Variants in IMMP2L observed in about 807,000 individuals in gnomAD.
IMMP2L encodes the protein mitochondrial inner membrane protease subunit 2.
Under a neutral mutation model 19.3 loss-of-function variants are expected in IMMP2L, and 18 were observed. The observed-to-expected ratio is 0.93, with a 90% CI of 0.64 to 1.38. The LOEUF is 1.38. IMMP2L is among the 40% of genes most tolerant of loss of function. The pLI, the probability that IMMP2L is intolerant of heterozygous loss-of-function variation, is 0.00. For synonymous variants in IMMP2L, 76 were observed against 73.0 expected (o/e 1.04, Z -0.21); for missense variants, 233 against 218.2 (o/e 1.07, Z -0.43).
intron 2 of IMMP2L, among the ~76,000 whole-genome samples, chr7:111,502,705 T>G (rs1283554990): frequency 1.3e-5 from 2 of 151,192 alleles, no homozygotes; most frequent in African/African-American, 4.9e-5. Flanking sequence ...CTGAACAACC[T>G]GCTCCTGAAT....
rs568334017 is a variant in IMMP2L at position 111,213,308 on chromosome 7, C to A, written c.240-249743G>T. The stretch of plus-strand genomic sequence containing the variant: ...CCCTGCTGCCTCAGCCCCCTCCAGG[C>A]TTTGGGTGCCAATGAGCATGGGAGG... On this transcript the variant is annotated intron_variant, in intron 3 of 5. Coordinates refer to ENST00000405709, the MANE Select transcript of IMMP2L (RefSeq NM_032549.4). The surrounding 1 kb of genome is among the most constrained non-coding windows in gnomAD (Gnocchi z 4.8). Among the ~76,000 whole-genome samples, 8 of 152,330 alleles carry A rather than the reference C, an allele frequency of 5.3e-5. No homozygotes were observed. The highest frequency in any genetic ancestry group is 5.2e-4 in the Admixed American group (8 of 15,308).
intron 5 of IMMP2L, among the ~76,000 whole-genome samples, chr7:110,779,788 A>G (rs1294543184): frequency 2.0e-5 from 3 of 151,864 alleles, no homozygotes; most frequent in Non-Finnish European, 4.4e-5. Flanking sequence ...TCCTGGCAGG[A>G]TCTTACTCAG....
chr7:111,225,737 G>A (rs1455133132), intron 3 of IMMP2L, among the ~76,000 whole-genome samples: 2 of 150,142 alleles, frequency 1.3e-5, no homozygotes, highest in East Asian at 3.9e-4. Flanking sequence ...GAGTGATGGA[G>A]TGCAAAGTAA....
intron 5 of IMMP2L, among the ~76,000 whole-genome samples, chr7:110,810,653 G>A (rs923190448): frequency 3.9e-5 from 6 of 151,968 alleles, no homozygotes; most frequent in African/African-American, 2.4e-5. Flanking sequence ...TCCGATAATG[G>A]AACACTAGGC....
intron 3 of IMMP2L, among the ~76,000 whole-genome samples, chr7:111,078,417 C>A (rs1319726975): frequency 6.6e-6 from 1 of 152,142 alleles, no homozygotes; most frequent in Admixed American, 6.5e-5. Context: ...ATTATTGCTA[C>A]TGCATTATCT....
At chr7:110,923,955 A>C (rs2129550806) in intron 4 of IMMP2L, among the ~76,000 whole-genome samples, 1 of 152,230 alleles carries the variant, frequency 6.6e-6, no homozygotes, top group South Asian at 2.1e-4. Context: ...ATAGCCCCCC[A>C]CTGATGCACA....
intron 3 of IMMP2L, among the ~76,000 whole-genome samples, chr7:111,223,204 T>C (rs1451557393): frequency 1.3e-5 from 2 of 152,040 alleles, no homozygotes; most frequent in Non-Finnish European, 2.9e-5. Context: ...GATAATTAAC[T>C]CTTGGTAGTG....
intron 5 of IMMP2L, among the ~76,000 whole-genome samples, chr7:110,733,158 C>T (rs954750279): frequency 2.0e-5 from 3 of 152,156 alleles, no homozygotes; most frequent in African/African-American, 7.2e-5. Context: ...GTGATTTAAA[C>T]AAGATACAAG....
intron 3 of IMMP2L, among the ~76,000 whole-genome samples, chr7:111,168,524 T>C (rs528883744): frequency 6.6e-6 from 1 of 151,944 alleles, no homozygotes; most frequent in Non-Finnish European, 1.5e-5. Flanking sequence ...TTATATTTTT[T>C]GGGGGCAAAT....
chr7:110,784,886 C>T (rs1799965798), intron 5 of IMMP2L, among the ~76,000 whole-genome samples: 1 of 151,892 alleles, frequency 6.6e-6, no homozygotes, highest in Non-Finnish European at 1.5e-5. Context: ...GGTAGCCACT[C>T]ACCACAGAGA....
intron 4 of IMMP2L, among the ~76,000 whole-genome samples, chr7:110,904,495 G>T (rs1415552547): frequency 1.3e-5 from 2 of 152,142 alleles, no homozygotes; most frequent in African/African-American, 4.8e-5. Flanking sequence ...AACACCATTT[G>T]TTGAAGAGAA....
At chr7:110,779,311 T>C (rs1033781236) in intron 5 of IMMP2L, among the ~76,000 whole-genome samples, 7 of 152,090 alleles carry the variant, frequency 4.6e-5, no homozygotes, top group African/African-American at 1.7e-4. Context: ...TTATATGCAA[T>C]GAGTGTAAAT....
intron 3 of IMMP2L, among the ~76,000 whole-genome samples, chr7:110,989,756 T>G (rs1318202391): frequency 6.6e-6 from 1 of 151,786 alleles, no homozygotes; most frequent in South Asian, 2.1e-4. Flanking sequence ...ATTAAAAATA[T>G]GTACTTTATC....
intron 3 of IMMP2L, among the ~76,000 whole-genome samples, chr7:111,302,607 C>T (rs745519031): frequency 1.3e-5 from 2 of 151,882 alleles, no homozygotes; most frequent in Non-Finnish European, 2.9e-5. Flanking sequence ...AATTGAAGCA[C>T]GGAGAGGTTA....
intron 1 of IMMP2L, among the ~76,000 whole-genome samples, chr7:111,549,065 T>A (rs1398401014): frequency 6.6e-6 from 1 of 152,174 alleles, no homozygotes; most frequent in Non-Finnish European, 1.5e-5. Flanking sequence ...CAAGGCTTAA[T>A]CAGTGAGACA....
rs1472964259 is a variant in IMMP2L, at chr7:111,412,050, T to G, written c.239+75188A>C. Among the ~76,000 whole-genome samples the G allele has an allele frequency of 3.3e-5, 5 of 151,680 alleles. No homozygotes were observed. In the South Asian group the frequency reaches 1.0e-3, roughly 32 times the overall value. ...CCTGATCTCCCTGAAGCCTGCAAAA[T>G]TGGTCATCAAAGGGAAGGGTGGAGG... is the stretch of plus-strand genomic sequence containing the variant. On this transcript the variant is annotated intron_variant, in intron 3 of 5. Transcript: ENST00000405709.
chr7:111,035,567 T>C (rs1791256573), intron 3 of IMMP2L, among the ~76,000 whole-genome samples: 2 of 152,142 alleles, frequency 1.3e-5, no homozygotes, highest in South Asian at 4.1e-4. Context: ...GCCATAATTT[T>C]TGCAACATTG....
chr7:111,280,895 C>T (rs1584426819), intron 3 of IMMP2L, among the ~76,000 whole-genome samples: 2 of 151,846 alleles, frequency 1.3e-5, no homozygotes, highest in East Asian at 3.9e-4. Flanking sequence ...CGGTGAAACC[C>T]TGTCTCTACT....
chr7:110,769,899 C>T (rs1798925590), intron 5 of IMMP2L, among the ~76,000 whole-genome samples: 1 of 152,012 alleles, frequency 6.6e-6, no homozygotes, highest in Non-Finnish European at 1.5e-5. Flanking sequence ...AATAACCACT[C>T]ATCTGACTGA....
Sources: gnomAD v4.1 joint callset for allele counts (sites outside exome capture counted in the v4.1 genomes callset) on GRCh38, gnomAD v4.1.1 for gene constraint, Gnocchi (gnomAD v3.1) non-coding constraint, MANE v1.5 for transcripts, NCBI Gene and HGNC (gene_info 2026-07-23, HGNC 2026-07-21) for gene names.